MINDY4: variants seen among roughly 807,000 people sequenced by gnomAD.
The protein encoded by MINDY4 is probable ubiquitin carboxyl-terminal hydrolase MINDY-4.
A neutral mutation model predicts 87.0 loss-of-function variants in MINDY4; 68 were observed. That is an observed-to-expected ratio of 0.78 (90% CI 0.64 to 0.96). The LOEUF (loss-of-function observed/expected upper bound fraction) is 0.96, where lower values mean the gene tolerates loss of function less well. MINDY4 is among the 40% of genes least tolerant of loss of function. The pLI is 0.00. For synonymous variants in MINDY4, 379 were observed against 363.2 expected, an observed-to-expected ratio of 1.04 and a Z score of -0.50; for missense variants, 919 against 928.2, an observed-to-expected ratio of 0.99 and a Z score of 0.13.
chr7:30,777,847 A>G (rs1453043351), intron 1 of MINDY4, among the ~76,000 whole-genome samples: 1 of 152,194 alleles, frequency 6.6e-6, no homozygotes, highest in African/African-American at 2.4e-5. Context: ...CGCCAACCCC[A>G]GATTTTCCAT....
chr7:30,773,664 A>G (rs751625394), intron 1 of MINDY4, among the ~76,000 whole-genome samples: 1 of 151,972 alleles, frequency 6.6e-6, no homozygotes, highest in Non-Finnish European at 1.5e-5. Flanking sequence ...TGACTGTGCC[A>G]TCCTCCCTCT....
intron 15 of MINDY4, among the ~76,000 whole-genome samples, chr7:30,881,482 C>G (rs934109845): frequency 1.3e-5 from 2 of 152,212 alleles, no homozygotes; most frequent in Non-Finnish European, 2.9e-5. Flanking sequence ...ACCTTTCCCT[C>G]CTGGCTCCCC....
intron 5 of MINDY4, among the ~76,000 whole-genome samples, chr7:30,818,706 C>T (rs1312500659): frequency 1.3e-5 from 2 of 152,030 alleles, no homozygotes; most frequent in Non-Finnish European, 2.9e-5. Context: ...TAAAACTCTT[C>T]GTGTATATGT....
At chr7:30,846,331 C>A (rs1789217591) in intron 9 of MINDY4, among the ~76,000 whole-genome samples, 1 of 152,246 alleles carries the variant, frequency 6.6e-6, no homozygotes. Context: ...GTAGAAACAT[C>A]TCTTTCATCT....
At chr7:30,890,201 A>G (rs1253920796) in intron 17 of MINDY4, among the ~76,000 whole-genome samples, 1 of 152,250 alleles carries the variant, frequency 6.6e-6, no homozygotes, top group East Asian at 1.9e-4. Context: ...TCAACCTTTT[A>G]TGCCGAGTGT....
At chr7:30,773,812 G>A (rs1184957343) in intron 1 of MINDY4, among the ~76,000 whole-genome samples, 3 of 152,044 alleles carry the variant, frequency 2.0e-5, no homozygotes, top group African/African-American at 7.2e-5. Context: ...CTCTTCTCCA[G>A]CCTCACCACA....
chr7:30,785,797 A>G lies in MINDY4; in HGVS notation c.468A>G (p.Lys156=). 1 of 1,614,206 alleles carries G rather than the reference A, an allele frequency of 6.2e-7. No homozygotes were observed. ...GDVLGNFVSS[K]RPPHKSKPMQ... ...TACTTGGTAATTTTGTATCATCTAA[A>G]AGGCCCCCGCACAAAAGTAAGCCCA... The change falls in exon 4 of 18, where the codon AAA becomes AAG. Residue 156 remains lysine (K), a synonymous_variant. Transcript: ENST00000265299.
chr7:30,855,562 C>G (rs963118490), intron 12 of MINDY4, among the ~76,000 whole-genome samples: 1 of 152,164 alleles, frequency 6.6e-6, no homozygotes, highest in Non-Finnish European at 1.5e-5. Flanking sequence ...GGTGATTGCT[C>G]AAATGACCAC....
chr7:30,782,056 A>G lies in MINDY4; in HGVS notation c.263A>G (p.Asn88Ser), dbSNP rs1422440018. ...GATCACTTTGGAAATACGGCTAACA[A>G]TTTCACTCAAGATACCCCAATCCCT... ...FLDHFGNTAN[N>S]FTQDTPIPAL... Residue 88 changes from asparagine to serine, a missense_variant, in exon 3 of 18, where the codon AAT becomes AGT. Asn to Ser is a conservative substitution (Grantham distance 46, BLOSUM62 1). Coordinates refer to ENST00000265299, the MANE Select transcript of MINDY4 (RefSeq NM_032222.3). 1.2e-6 allele frequency: 2 copies of G among 1,614,160 alleles called. No homozygotes were observed. The highest frequency in any genetic ancestry group is 1.7e-6 in the Non-Finnish European group (2 of 1,180,026).
intron 3 of MINDY4, among the ~76,000 whole-genome samples, chr7:30,784,393 G>A (rs537238522): frequency 2.4e-4 from 36 of 152,236 alleles, no homozygotes; most frequent in African/African-American, 8.2e-4. Context: ...TCTGCCCACC[G>A]GCGAGGGCCT....
intron 14 of MINDY4, 85 bp downstream of exon 14, chr7:30,872,391 C>T: frequency 1.5e-6 from 2 of 1,299,034 alleles, no homozygotes; most frequent in South Asian, 2.5e-5. Flanking sequence ...TCCTCTTGCC[C>T]CAGAAAAAGA....
At chr7:30,807,462 T>C (rs1787847598) in intron 5 of MINDY4, among the ~76,000 whole-genome samples, 1 of 151,880 alleles carries the variant, frequency 6.6e-6, no homozygotes, top group Admixed American at 6.6e-5. Flanking sequence ...TAGGAGTATA[T>C]TAAAAGAAGA....
At chr7:30,814,740 G>C (rs1223720277) in intron 5 of MINDY4, among the ~76,000 whole-genome samples, 1 of 152,176 alleles carries the variant, frequency 6.6e-6, no homozygotes, top group African/African-American at 2.4e-5. Context: ...GGGTCACTTG[G>C]AGAAAGGCAT....
chr7:30,871,292 A>G (rs1326522746), intron 13 of MINDY4, among the ~76,000 whole-genome samples: 5 of 152,212 alleles, frequency 3.3e-5, no homozygotes, highest in Admixed American at 1.3e-4. Context: ...GGGGGTTGCA[A>G]TTGCCACCTG....
At chr7:30,791,125 C>T (rs777443435) in intron 4 of MINDY4, 40 bp from the exon 5 acceptor site, 1 of 1,544,412 alleles carries the variant, frequency 6.5e-7, no homozygotes, top group East Asian at 2.3e-5. Flanking sequence ...TCCAGCTCCC[C>T]TCAAAGGGTC....
intron 15 of MINDY4, among the ~76,000 whole-genome samples, chr7:30,879,050 C>A (rs1645614303): frequency 6.6e-6 from 1 of 152,224 alleles, no homozygotes; most frequent in African/African-American, 2.4e-5. Context: ...TCATATCATT[C>A]CTTTTCTCTG....
intron 5 of MINDY4, among the ~76,000 whole-genome samples, chr7:30,827,662 G>C (rs572188405): frequency 5.9e-5 from 9 of 152,190 alleles, no homozygotes; most frequent in Admixed American, 6.5e-5. Context: ...CTGGGAGGGA[G>C]GGTGAGGGAG....
At chr7:30,866,354 C>CTGTGT (rs1789935781) in intron 13 of MINDY4, among the ~76,000 whole-genome samples, 1 of 152,242 alleles carries the variant, frequency 6.6e-6, no homozygotes, top group Non-Finnish European at 1.5e-5. Context: ...CCAGCCTCAA[C>CTGTGT]TGTGTGGGTG....
chr7:30,784,486 A>G (rs1023559618), intron 3 of MINDY4, among the ~76,000 whole-genome samples: 2 of 152,122 alleles, frequency 1.3e-5, no homozygotes, highest in Non-Finnish European at 2.9e-5. Flanking sequence ...CTTCCCCTCA[A>G]ATCCGCCCTT....
Sources: gnomAD v4.1 joint callset for allele counts (sites outside exome capture counted in the v4.1 genomes callset) on GRCh38, gnomAD v4.1.1 for gene constraint, MANE v1.5 for transcripts, NCBI Gene and HGNC (gene_info 2026-07-23, HGNC 2026-07-21) for gene names.